The following POU2F1 variants were observed in gnomAD, a reference collection of about 807,000 sequenced individuals.
POU2F1 encodes the protein POU class 2 homeobox 1.
POU2F1 carries 16 observed loss-of-function variants against 84.9 expected under a neutral mutation model. The observed-to-expected ratio is 0.19, with a 90% confidence interval of 0.13 to 0.29. POU2F1 has a LOEUF of 0.29. Among genes scored for constraint, POU2F1 ranks in the 10% least tolerant of loss-of-function variants. The probability of loss-of-function intolerance (pLI) is 1.00; values close to 1 mark genes in which losing one functional copy is unlikely to be tolerated. For synonymous variants in POU2F1, 368 were observed against 368.3 expected, an observed-to-expected ratio of 1.00 and a Z score of 0.01; for missense variants, 738 against 942.6, an observed-to-expected ratio of 0.78 and a Z score of 2.84.
At chr1:167,258,811 T>G (rs1217096210) in intron 1 of POU2F1, among the ~76,000 whole-genome samples, 1 of 152,246 alleles carries the variant, frequency 6.6e-6, no homozygotes, top group Non-Finnish European at 1.5e-5. Flanking sequence ...AATACAGGTC[T>G]ACTAATGAGA....
intron 1 of POU2F1, among the ~76,000 whole-genome samples, chr1:167,232,321 A>G (rs756785929): frequency 5.3e-5 from 8 of 152,150 alleles, no homozygotes; most frequent in Non-Finnish European, 7.3e-5. Flanking sequence ...AAACATTCCT[A>G]TCTCCTAGTG....
chr1:167,338,854 T>C (rs971368071), intron 2 of POU2F1, among the ~76,000 whole-genome samples: 4 of 152,244 alleles, frequency 2.6e-5, no homozygotes, highest in African/African-American at 4.8e-5. Flanking sequence ...TTGGCTATTA[T>C]GAGTAATGTT....
At chr1:167,384,799 A>G (rs919272485) in intron 8 of POU2F1, among the ~76,000 whole-genome samples, 5 of 152,158 alleles carry the variant, frequency 3.3e-5, no homozygotes, top group African/African-American at 1.2e-4. Flanking sequence ...AAACAAGGCA[A>G]AGTGACCAGT....
chr1:167,345,396 A>G (rs189839210), intron 2 of POU2F1, among the ~76,000 whole-genome samples: 132 of 152,350 alleles, frequency 8.7e-4, no homozygotes, highest in African/African-American at 3.2e-3. Flanking sequence ...GAGGATTAGG[A>G]ACAGTCAATT....
At chr1:167,397,744 C>G (rs1267297261) in intron 10 of POU2F1, among the ~76,000 whole-genome samples, 1 of 152,038 alleles carries the variant, frequency 6.6e-6, no homozygotes, top group Admixed American at 6.6e-5. Flanking sequence ...TGGGGTTTCA[C>G]CATTTAGCCA....
chr1:167,368,648 TG>T (rs1659831613), intron 3 of POU2F1, among the ~76,000 whole-genome samples: 1 of 152,206 alleles, frequency 6.6e-6, no homozygotes, highest in South Asian at 2.1e-4. Flanking sequence ...ACATATTATC[TG>T]TTCAGATAGG....
chr1:167,307,196 C>T (rs937556778), intron 1 of POU2F1, among the ~76,000 whole-genome samples: 1 of 151,840 alleles, frequency 6.6e-6, no homozygotes, highest in African/African-American at 2.4e-5. Context: ...GTGATGACAC[C>T]AACTGTGTAA....
At chr1:167,401,041 A>T (rs1376089418) in intron 12 of POU2F1, among the ~76,000 whole-genome samples, 4 of 152,006 alleles carry the variant, frequency 2.6e-5, no homozygotes, top group African/African-American at 7.2e-5. Context: ...CGTTTTTTTT[A>T]AAAGTTTGCT....
In POU2F1 at chr1:167,419,531, A is replaced by G. The variant is rs1571484364; in HGVS notation, c.*3721A>G. On this transcript the variant is annotated 3_prime_UTR_variant, in exon 16 of 16. Transcript: ENST00000367866. ...CAATTTGGTCATAAACTTTATTTATACCCTGTATACATCTGAATAACAGAG... is the reference window on the plus strand; with the variant it reads ...CAATTTGGTCATAAACTTTATTTATGCCCTGTATACATCTGAATAACAGAG... 7 of 152,312 alleles carry G rather than the reference A, an allele frequency of 4.6e-5. No individual in the cohort carries two copies. The highest frequency in any genetic ancestry group is 1.7e-4 in the African/African-American group (7 of 41,570). 9.4% of individuals were successfully genotyped at this position (152,312 alleles called of 1,614,324 possible). A position where few individuals can be genotyped will look rare whatever the true frequency, so the allele number is the denominator to read the frequency against.
chr1:167,384,072 AAAATCAAAG>A (rs1198533275), intron 8 of POU2F1, 121 bp downstream of exon 8: 28 of 782,506 alleles, frequency 3.6e-5, no homozygotes, highest in South Asian at 2.2e-5. Context: ...AACTGACCAG[AAAATCAAAG>A]CTAGGCTTAT....
At chr1:167,221,086 C>A in intron 1 of POU2F1, 128 bp downstream of exon 1, 1 of 907,024 alleles carries the variant, frequency 1.1e-6, no homozygotes, top group Non-Finnish European at 1.7e-6. Flanking sequence ...AGATGGGGGG[C>A]CGGGGAGCAT....
At chr1:167,294,070 C>T (rs1035840315) in intron 1 of POU2F1, among the ~76,000 whole-genome samples, 4 of 151,126 alleles carry the variant, frequency 2.6e-5, no homozygotes, top group South Asian at 2.1e-4. Context: ...TGGTGGCTCA[C>T]GCCTGTAATC....
intron 2 of POU2F1, among the ~76,000 whole-genome samples, chr1:167,365,059 G>A (rs1454382826): frequency 1.3e-5 from 2 of 152,136 alleles, no homozygotes; most frequent in Admixed American, 6.5e-5. Context: ...AGTCTTTCTT[G>A]CTCTTGGCAA....
At chr1:167,277,431 G>T (rs759688673) in intron 1 of POU2F1, among the ~76,000 whole-genome samples, 32 of 151,162 alleles carry the variant, frequency 2.1e-4, no homozygotes, top group Non-Finnish European at 4.1e-4. Context: ...TCCTGAGCTG[G>T]AATTGAATCT....
intron 1 of POU2F1, among the ~76,000 whole-genome samples, chr1:167,248,379 C>T (rs1650491899): frequency 6.6e-6 from 1 of 152,188 alleles, no homozygotes; most frequent in Admixed American, 6.5e-5. Flanking sequence ...GCATACATTG[C>T]TGGACTTATT....
intron 10 of POU2F1, among the ~76,000 whole-genome samples, chr1:167,397,251 ATTTG>A (rs1337553731): frequency 6.6e-6 from 1 of 152,190 alleles, no homozygotes; most frequent in Non-Finnish European, 1.5e-5. Context: ...TAAATATTTC[ATTTG>A]TTTCTTTTCT....
rs1649022659 is a variant in POU2F1 at position 167,399,212 on chromosome 1, C to T, written c.1296C>T (p.Ile432=). ...LENQKPTSEE[I]TMIADQLNME... ...ATCAAAAGCCTACCTCGGAAGAGAT[C>T]ACTATGATTGCTGATCAGCTCAATA... The change falls in exon 12 of 16, where the codon ATC becomes ATT. Residue 432 remains isoleucine (I), a synonymous_variant. Coordinates refer to ENST00000367866, the MANE Select transcript of POU2F1 (RefSeq NM_002697.4). 1.9e-6 allele frequency: 3 copies of T among 1,612,646 alleles called. No homozygotes were observed. Among genetic ancestry groups the T allele is most frequent in the Middle Eastern group, 3.3e-4 (2 of 6,076 alleles).
chr1:167,322,396 A>G (rs1397438452), intron 1 of POU2F1, among the ~76,000 whole-genome samples: 1 of 152,230 alleles, frequency 6.6e-6, no homozygotes, highest in Non-Finnish European at 1.5e-5. Flanking sequence ...TTTTAAATTT[A>G]AACTAGACAT....
rs1650289268 is a variant in POU2F1, at chr1:167,416,026, G to T, written c.*216G>T. The T allele has an allele frequency of 1.5e-5, 8 of 541,594 alleles. No homozygotes were observed. Among genetic ancestry groups the T allele is most frequent in the African/African-American group, 2.1e-5 (1 of 47,646 alleles). The allele number at this position is 541,594 out of a possible 1,614,324, so 33.5% of individuals were successfully genotyped here. A position where few individuals can be genotyped will look rare whatever the true frequency, so the allele number is the denominator to read the frequency against. On this transcript the variant is annotated 3_prime_UTR_variant, in exon 16 of 16. Transcript: ENST00000367866. ...GGAGACGGAACATTTGCCTAATTTT[G>T]TAATAAAACACTGTCTTTTCAGGAT...
Sources: allele counts gnomAD v4.1 joint callset (sites outside exome capture counted in the v4.1 genomes callset), GRCh38; gene constraint gnomAD v4.1.1; transcripts MANE v1.5; gene names NCBI Gene and HGNC (gene_info 2026-07-23, HGNC 2026-07-21).